The following UACA variants were observed in gnomAD, a reference collection of about 807,000 sequenced individuals.
The protein encoded by UACA is nuclear membrane binding protein.
A neutral mutation model predicts 160.5 loss-of-function variants in UACA; 112 were observed. That is an observed-to-expected ratio of 0.70 (90% CI 0.60 to 0.82). The LOEUF (loss-of-function observed/expected upper bound fraction) is 0.82. Among genes scored for constraint, UACA ranks in the 40% least tolerant of loss-of-function variants. UACA has a pLI of 0.00. For missense variants in UACA, 1,574 were observed against 1,614.6 expected, an observed-to-expected ratio of 0.97 and a Z score of 0.43; for synonymous variants, 557 against 568.4, an observed-to-expected ratio of 0.98 and a Z score of 0.29.
chr15:70,738,205 C>T (rs963348769), intron 1 of UACA, among the ~76,000 whole-genome samples: 3 of 152,082 alleles, frequency 2.0e-5, no homozygotes, highest in East Asian at 1.9e-4. Context: ...ATTACAATCA[C>T]TTATTTTTCT....
rs116618469 is a variant in UACA at position 70,659,905 on chromosome 15, T to C, written c.4179+246A>G. Among the ~76,000 whole-genome samples, 732 of 152,188 alleles carry C rather than the reference T, an allele frequency of 4.8e-3. 5 individuals carry two copies. Among genetic ancestry groups the C allele is most frequent in the African/African-American group, 0.017 (696 of 41,536 alleles). Reference sequence around the variant, plus strand: ...GTGCTACCATCACATGTTACCAAACTGTCTATAAACTGAGTGACAAGCAGA... The same window carrying C: ...GTGCTACCATCACATGTTACCAAACCGTCTATAAACTGAGTGACAAGCAGA... On this transcript the variant is annotated intron_variant, in intron 18 of 18. Transcript: ENST00000322954.
chr15:70,667,704 A>C lies in UACA; in HGVS notation c.2980T>G (p.Cys994Gly). 6.2e-7 allele frequency: 1 copy of C among 1,613,454 alleles called. No individual in the cohort carries two copies. The highest frequency in any genetic ancestry group is 8.5e-7 in the Non-Finnish European group (1 of 1,179,886). Residue 994 changes from cysteine (C) to glycine (G), a missense_variant, in exon 16 of 19, where the codon TGC (cysteine) becomes GGC (glycine). Transcript: ENST00000322954. ...TCTGTTGCTTTAAATTTTCTCTCGC[A>C]CTCCTCAAAGCTGACAATTGGGGCG... ...KYAPIVSFEE[C>G]ERKFKATEKE...
chr15:70,688,407 C>T (rs570199895), intron 5 of UACA, among the ~76,000 whole-genome samples: 8 of 152,086 alleles, frequency 5.3e-5, no homozygotes, highest in Admixed American at 1.3e-4. Context: ...ATTATGTTTA[C>T]AATCCCCATG....
chr15:70,686,716 C>A (rs893149239), intron 7 of UACA, among the ~76,000 whole-genome samples: 1 of 151,724 alleles, frequency 6.6e-6, no homozygotes, highest in Non-Finnish European at 1.5e-5. Flanking sequence ...TAATAAACTA[C>A]AAACAATAGA....
chr15:70,746,591 T>A (rs1899714488), intron 1 of UACA, among the ~76,000 whole-genome samples: 1 of 152,192 alleles, frequency 6.6e-6, no homozygotes, highest in African/African-American at 2.4e-5. Flanking sequence ...CTCAAGGATC[T>A]AGAACTAGAA....
intron 1 of UACA, among the ~76,000 whole-genome samples, chr15:70,761,654 CAG>C (rs1266796937): frequency 6.6e-6 from 1 of 152,132 alleles, no homozygotes; most frequent in Non-Finnish European, 1.5e-5. Context: ...AATATTTAAA[CAG>C]AAATGTTTGC....
At chr15:70,778,384 G>A in the UACA span, among the ~76,000 whole-genome samples, 4 of 152,314 alleles carry the variant, frequency 2.6e-5, no homozygotes, top group East Asian at 5.8e-4. Context: ...CTAAAATCAA[G>A]CTCTGGCAGA....
At chr15:70,671,835 T>C (rs1897149109) in intron 14 of UACA, 130 bp downstream of exon 14, 2 of 578,902 alleles carry the variant, frequency 3.5e-6, no homozygotes, top group African/African-American at 1.9e-5. Context: ...CCTAGTTCCA[T>C]GTGCTGATGA....
chr15:70,659,395 G>GTTTTTTTTTTTTTTTTTTTTTTTTTT lies in UACA; in HGVS notation c.4179+730_4179+755dup, dbSNP rs71152307. Among the ~76,000 whole-genome samples, 26 of 18,842 alleles carry GTTTTTTTTTTTTTTTTTTTTTTTTTT rather than the reference G, an allele frequency of 1.4e-3. 12 individuals carry two copies. Among genetic ancestry groups the GTTTTTTTTTTTTTTTTTTTTTTTTTT allele is most frequent in the Non-Finnish European group, 1.9e-3 (20 of 10,448 alleles). The allele number at this position is 18,842 out of a possible 152,430, so 12.4% of individuals were successfully genotyped here. On this transcript the variant is annotated intron_variant, in intron 18 of 18. Coordinates refer to ENST00000322954, the MANE Select transcript of UACA (RefSeq NM_018003.4). ...TCTTTCCCTTCTTCATTTTTTGTTT[G>GTTTTTTTTTTTTTTTTTTTTTTTTTT]TTTTTTTTTTTTTTTTTTTTTTTTT...
At chr15:70,698,737 T>C (rs1898221442) in intron 2 of UACA, among the ~76,000 whole-genome samples, 2 of 152,116 alleles carry the variant, frequency 1.3e-5, no homozygotes, top group South Asian at 2.1e-4. Context: ...TTTTAGGAAA[T>C]GAGACTTTTC....
intron 14 of UACA, 176 bp from the exon 15 acceptor site, chr15:70,671,267 G>T (rs1897129756): frequency 2.2e-6 from 1 of 452,102 alleles, no homozygotes; most frequent in Non-Finnish European, 4.0e-6. Flanking sequence ...ATAAACAGAA[G>T]TACCTACAAT....
chr15:70,746,125 C>G (rs1013023454), intron 1 of UACA, among the ~76,000 whole-genome samples: 10 of 152,026 alleles, frequency 6.6e-5, no homozygotes, highest in Non-Finnish European at 1.5e-4. Context: ...AAAGCCAAAA[C>G]TGACAAATGG....
chr15:70,723,597 T>A (rs1190865195), intron 1 of UACA, among the ~76,000 whole-genome samples: 2 of 151,676 alleles, frequency 1.3e-5, no homozygotes, highest in East Asian at 3.9e-4. Flanking sequence ...TGCTTCTTAA[T>A]CCTAACTCAT....
chr15:70,750,739 C>T (rs1481028077), intron 1 of UACA, among the ~76,000 whole-genome samples: 3 of 152,078 alleles, frequency 2.0e-5, no homozygotes, highest in East Asian at 1.9e-4. Flanking sequence ...GGCATGGTGG[C>T]GTATGCCTGT....
intron 2 of UACA, among the ~76,000 whole-genome samples, chr15:70,698,908 A>G (rs1439469434): frequency 3.9e-5 from 6 of 152,142 alleles, no homozygotes; most frequent in Admixed American, 2.0e-4. Context: ...AGACAGACAC[A>G]TCGTTCATAA....
Position 70,699,632 on chromosome 15 carries a change from T to C in UACA, c.107A>G (p.Asp36Gly). The C allele has an allele frequency of 1.2e-6, 2 of 1,610,912 alleles. No homozygotes were observed. The highest frequency in any genetic ancestry group is 1.7e-6 in the Non-Finnish European group (2 of 1,179,258). Residue 36 changes from aspartate to glycine, a missense_variant, in exon 2 of 19, where the codon GAC becomes GGC. Coordinates refer to ENST00000322954, the MANE Select transcript of UACA (RefSeq NM_018003.4). The part of the protein sequence containing the change: ...AHAADWNKYD[D>G]RLMKAAERGD... ...CCTTTCTGCTGCTTTCATCAATCGGTCATCATATTTATTCCAATCTGCTGC... is the reference window on the plus strand; with the variant it reads ...CCTTTCTGCTGCTTTCATCAATCGGCCATCATATTTATTCCAATCTGCTGC...
chr15:70,696,034 G>A lies in UACA; in HGVS notation c.213-929C>T, dbSNP rs889704557. The stretch of plus-strand genomic sequence containing the variant: ...AGGATGTTGAACTCAAGTAGAAATA[G>A]AACTGAGGCCTTAAGTAAGTGCAAT... On this transcript the variant is annotated intron_variant, in intron 2 of 18. Transcript: ENST00000322954. Among the ~76,000 whole-genome samples, 6 of 152,072 alleles carry A rather than the reference G, an allele frequency of 3.9e-5. No individual in the cohort carries two copies. In the South Asian group the frequency reaches 6.2e-4, roughly 16 times the overall value.
chr15:70,742,573 A>G (rs1409050240), intron 1 of UACA, among the ~76,000 whole-genome samples: 2 of 152,192 alleles, frequency 1.3e-5, no homozygotes, highest in Non-Finnish European at 2.9e-5. Flanking sequence ...TATGTTTATT[A>G]TAAGTTGCAT....
In UACA at chr15:70,679,166, G is replaced by T. The variant is rs1338883858; in HGVS notation, c.891+442C>A. ...GCTTGTAATCCCAACACTTTGGGAG[G>T]CTGAGGCGGGTGGATCACCTGAGGT... On this transcript the variant is annotated intron_variant, in intron 10 of 18. Coordinates refer to ENST00000322954, the MANE Select transcript of UACA (RefSeq NM_018003.4). Among the ~76,000 whole-genome samples, 10 of 152,186 alleles carry T rather than the reference G, an allele frequency of 6.6e-5. No individual in the cohort carries two copies. The East Asian group carries it at 1.7e-3, about 26-fold the overall frequency.
Sources: allele counts gnomAD v4.1 joint callset (sites outside exome capture counted in the v4.1 genomes callset), GRCh38; gene constraint gnomAD v4.1.1; transcripts MANE v1.5; gene names NCBI Gene and HGNC (gene_info 2026-07-23, HGNC 2026-07-21).